CFAP54: variants seen among roughly 807,000 people sequenced by gnomAD.
CFAP54 encodes the protein cilia and flagella associated protein 54.
In CFAP54, 290 loss-of-function variants were observed where a neutral mutation model predicts 370.4. The ratio of observed to expected loss-of-function variants is 0.78; its 90% CI spans 0.71 to 0.86. The LOEUF (loss-of-function observed/expected upper bound fraction) is 0.86. Ranked by LOEUF, CFAP54 falls within the 40% of genes least tolerant of loss-of-function variation. The pLI is 0.00. For synonymous variants in CFAP54, 1,206 were observed against 1,236.5 expected, an observed-to-expected ratio of 0.98 and a Z score of 0.52; for missense variants, 3,399 against 3,528.7, an observed-to-expected ratio of 0.96 and a Z score of 0.93.
At chr12:96,535,422 A>T (rs931848835) in intron 11 of CFAP54, 93 bp from the exon 12 acceptor site, 11 of 735,672 alleles carry the variant, frequency 1.5e-5, no homozygotes, top group African/African-American at 1.1e-4. Flanking sequence ...CATTTGTGTC[A>T]TTTTTTTAGC....
chr12:96,865,837 T>C (rs1320193439), intron 67 of CFAP54, among the ~76,000 whole-genome samples: 2 of 152,116 alleles, frequency 1.3e-5, no homozygotes, highest in African/African-American at 4.8e-5. Context: ...TGGGTTTTAA[T>C]GACAACTAAA....
At chr12:96,524,024 T>A (rs1294421054) in intron 8 of CFAP54, among the ~76,000 whole-genome samples, 2 of 152,146 alleles carry the variant, frequency 1.3e-5, no homozygotes, top group Non-Finnish European at 2.9e-5. Flanking sequence ...CTTGGCATAT[T>A]TTGCAGAATG....
At chr12:96,830,866 G>T (rs1349979334) in intron 66 of CFAP54, among the ~76,000 whole-genome samples, 1 of 151,866 alleles carries the variant, frequency 6.6e-6, no homozygotes, top group African/African-American at 2.4e-5. Context: ...AGTAGCGATA[G>T]GGTTTCACCA....
intron 63 of CFAP54, among the ~76,000 whole-genome samples, chr12:96,810,983 G>T (rs1463452825): frequency 6.6e-6 from 1 of 152,150 alleles, no homozygotes; most frequent in Non-Finnish European, 1.5e-5. Flanking sequence ...AAAAGGTCTT[G>T]GTTCTGAGGT....
intron 22 of CFAP54, 51 bp from the exon 23 acceptor site, chr12:96,589,376 A>G (rs1315742176): frequency 2.2e-6 from 3 of 1,371,376 alleles, no homozygotes; most frequent in Non-Finnish European, 3.0e-6. Context: ...ATTGTTTAAA[A>G]CATTCATTCA....
chr12:96,491,127 G>A (rs1466931786), intron 1 of CFAP54, among the ~76,000 whole-genome samples: 5 of 152,102 alleles, frequency 3.3e-5, no homozygotes, highest in Admixed American at 6.6e-5. Flanking sequence ...GAGCTACTGC[G>A]CCTGGCCTGA....
At position 96,779,439 on chromosome 12, in the gene CFAP54, T is replaced by C. The variant is rs183425180; in HGVS notation, c.8282-5278T>C. ...TACTGTTGGTAAACATTTGGGGTTA[T>C]GAATAATGCTGCTATGAATATATTT... On this transcript the variant is annotated intron_variant, in intron 60 of 67. Coordinates refer to ENST00000524981, the MANE Select transcript of CFAP54 (RefSeq NM_001306084.2). Among the ~76,000 whole-genome samples, 151 of 152,222 alleles carry C rather than the reference T, an allele frequency of 9.9e-4. 1 individual carries two copies. Among genetic ancestry groups the C allele is most frequent in the African/African-American group, 3.6e-3 (149 of 41,550 alleles).
Position 96,580,940 on chromosome 12 carries a change from T to A in CFAP54, c.2910T>A (p.Ser970Arg). 1 of 1,514,474 alleles carries A rather than the reference T, an allele frequency of 6.6e-7. No individual in the cohort carries two copies. The highest frequency in any genetic ancestry group is 8.8e-7 in the Non-Finnish European group (1 of 1,137,234). 93.8% of individuals were successfully genotyped at this position (1,514,474 alleles called of 1,614,324 possible). Residue 970 changes from serine to arginine, a missense_variant, in exon 22 of 68, where the codon AGT (serine) becomes AGA (arginine). Coordinates refer to ENST00000524981, the MANE Select transcript of CFAP54 (RefSeq NM_001306084.2). ...AATAGATACCAGCTGACGGTAAAAG[T>A]GTTTTTGAAGTGAAAGGTTTAGAAA... Reference protein sequence around the residue: ...SGEAIPADGKSVFEVKGLETN... With the variant: ...SGEAIPADGKRVFEVKGLETN...
chr12:96,845,556 C>A (rs1566000730), intron 66 of CFAP54, among the ~76,000 whole-genome samples: 1 of 152,234 alleles, frequency 6.6e-6, no homozygotes, highest in Non-Finnish European at 1.5e-5. Context: ...ACCACCACCA[C>A]AATTCAGGAC....
At chr12:96,683,879 C>T (rs1242645247) in intron 40 of CFAP54, among the ~76,000 whole-genome samples, 1 of 152,124 alleles carries the variant, frequency 6.6e-6, no homozygotes, top group Non-Finnish European at 1.5e-5. Context: ...GCAACCTCCA[C>T]CTCCCGGGTT....
chr12:96,818,356 C>T (rs768308525), intron 65 of CFAP54, among the ~76,000 whole-genome samples: 11 of 152,106 alleles, frequency 7.2e-5, no homozygotes, highest in South Asian at 2.1e-4. Context: ...GGCTGTTATC[C>T]GTATAGTATG....
Position 96,756,496 on chromosome 12 carries a change from C to T in CFAP54, c.7879C>T (p.Pro2627Ser). 6 of 1,603,270 alleles carry T rather than the reference C, an allele frequency of 3.7e-6. No homozygotes were observed. The highest frequency in any genetic ancestry group is 5.1e-6 in the Non-Finnish European group (6 of 1,176,398). Residue 2627 changes from proline to serine, a missense_variant, in exon 57 of 68, where the codon CCA becomes TCA. Pro to Ser is a moderately conservative substitution (Grantham distance 74). Around this residue, in one of 3 missense-constraint regions of CFAP54, gnomAD observed 2,796 missense variants for 2,869.7 expected, o/e 0.97. Transcript: ENST00000524981. The part of the protein sequence containing the change: ...ERQILMEEKS[P>S]SFQLESLYEA... The stretch of plus-strand genomic sequence containing the variant: ...TCAAATACTAATGGAAGAGAAATCT[C>T]CAAGTTTTCAACTTGAGAGTTTATA...
chr12:96,516,817 C>T (rs1427985728), intron 5 of CFAP54, among the ~76,000 whole-genome samples: 1 of 152,144 alleles, frequency 6.6e-6, no homozygotes, highest in African/African-American at 2.4e-5. Context: ...ATTACACAAA[C>T]TTTAAGTCCT....
chr12:96,848,013 A>C (rs75195923), intron 66 of CFAP54, among the ~76,000 whole-genome samples: 1 of 152,164 alleles, frequency 6.6e-6, no homozygotes, highest in Non-Finnish European at 1.5e-5. Context: ...TCTCTCCTAC[A>C]TCTTCTAATT....
At chr12:96,595,007 T>C (rs781493104) in intron 25 of CFAP54, among the ~76,000 whole-genome samples, 1 of 152,200 alleles carries the variant, frequency 6.6e-6, no homozygotes, top group Non-Finnish European at 1.5e-5. Flanking sequence ...ATGGGTTAGC[T>C]GGGTCTTCTG....
chr12:96,675,949 G>T (rs140220159), intron 39 of CFAP54, among the ~76,000 whole-genome samples: 1 of 151,188 alleles, frequency 6.6e-6, no homozygotes, highest in Non-Finnish European at 1.5e-5. Context: ...GGGGTGGGGG[G>T]CAGGGGAGGG....
At position 96,835,552 on chromosome 12, in the gene CFAP54, T is replaced by C. The variant is rs531964391; in HGVS notation, c.9171+6464T>C. Among the ~76,000 whole-genome samples the C allele has an allele frequency of 2.0e-5, 3 of 152,270 alleles. No individual in the cohort carries two copies. The East Asian group carries it at 5.8e-4, about 29-fold the overall frequency. On this transcript the variant is annotated intron_variant, in intron 66 of 67. Coordinates refer to ENST00000524981, the MANE Select transcript of CFAP54 (RefSeq NM_001306084.2). The stretch of plus-strand genomic sequence containing the variant: ...CTGCCTCCTGCTGCCATTCATTACA[T>C]GCAGGCTTGGCCCCGACTTTGCTCT...
chr12:96,506,877 G>C lies in CFAP54; in HGVS notation c.568-51G>C, dbSNP rs1397941431. ...GCTGGGATTACAGGTGTGAGCTACT[G>C]TTCCTGGCCAGTTATTTCTATTTCT... On this transcript the variant is annotated intron_variant, in intron 3 of 67. Transcript: ENST00000524981. 4.8e-6 allele frequency: 7 copies of C among 1,473,390 alleles called. No individual in the cohort carries two copies. The East Asian group carries it at 1.7e-4, about 37-fold the overall frequency. 91.3% of individuals were successfully genotyped at this position (1,473,390 alleles called of 1,614,324 possible).
At chr12:96,733,493 A>G (rs149079749) in intron 50 of CFAP54, among the ~76,000 whole-genome samples, 185 of 151,580 alleles carry the variant, frequency 1.2e-3, no homozygotes, top group African/African-American at 4.2e-3. Context: ...AAGTTATTCA[A>G]ATTGTATTTC....
Sources: gnomAD v4.1 joint callset for allele counts (sites outside exome capture counted in the v4.1 genomes callset) on GRCh38, gnomAD v4.1.1 for gene constraint, gnomAD v4.1.1 regional missense constraint, MANE v1.5 for transcripts, NCBI Gene and HGNC (gene_info 2026-07-23, HGNC 2026-07-21) for gene names.